INTS1: variants seen among roughly 807,000 people sequenced by gnomAD.
INTS1 encodes the protein integrator complex subunit 1.
In INTS1, 137 loss-of-function variants were observed where a neutral mutation model predicts 241.6. The observed-to-expected ratio is 0.57, with a 90% CI of 0.49 to 0.65. The LOEUF is 0.65. Among genes scored for constraint, INTS1 ranks in the 30% least tolerant of loss-of-function variants. The pLI is 0.00. For synonymous variants in INTS1, 1,692 were observed against 1,337.8 expected, an observed-to-expected ratio of 1.26 and a Z score of -5.78; for missense variants, 3,073 against 3,032.2, an observed-to-expected ratio of 1.01 and a Z score of -0.32.
intron 35 of INTS1, 101 bp downstream of exon 35, chr7:1,477,449 G>A: frequency 7.3e-7 from 1 of 1,366,528 alleles, no homozygotes; most frequent in Non-Finnish European, 9.7e-7. Context: ...GGGGTGCTGG[G>A]GCCCCTGCAA....
rs544786096 is a variant in INTS1 at position 1,488,194 on chromosome 7, G to A, written c.2319-237C>T. ...CTGCCTCGTCCTCCGCAGGCAGCAC[G>A]CCTGCCCTCACCAGAGCCAAGGCCA... On this transcript the variant is annotated intron_variant, in intron 18 of 47. Transcript: ENST00000404767. Among the ~76,000 whole-genome samples the A allele has an allele frequency of 3.3e-5, 5 of 152,300 alleles. No homozygotes were observed. In the South Asian group the frequency reaches 6.2e-4, roughly 19 times the overall value.
At chr7:1,473,295 A>G (rs932923726) in intron 42 of INTS1, 111 bp from the exon 43 acceptor site, 4 of 526,498 alleles carry the variant, frequency 7.6e-6, no homozygotes, top group Non-Finnish European at 1.3e-5. Context: ...CATGCAGGAG[A>G]GGCCAGGACG....
chr7:1,473,737 G>A (rs1781583606), intron 41 of INTS1, 44 bp from the exon 42 acceptor site: 2 of 1,609,344 alleles, frequency 1.2e-6, no homozygotes, highest in Non-Finnish European at 1.7e-6. Flanking sequence ...TGCCCCGCAG[G>A]GCCAAAACAG....
chr7:1,479,688 G>GGGC lies in INTS1; in HGVS notation c.4075-5_4075-4insGCC. 1 of 1,460,934 alleles carries GGGC rather than the reference G, an allele frequency of 6.8e-7. No individual in the cohort carries two copies. Among genetic ancestry groups the GGGC allele is most frequent in the Non-Finnish European group, 9.0e-7 (1 of 1,105,214 alleles). 90.5% of individuals were successfully genotyped at this position (1,460,934 alleles called of 1,614,324 possible). A position where few individuals can be genotyped will look rare whatever the true frequency, so the allele number is the denominator to read the frequency against. On this transcript the variant is annotated splice_polypyrimidine_tract_variant and splice_region_variant and intron_variant, in intron 30 of 47. Coordinates refer to ENST00000404767, the MANE Select transcript of INTS1 (RefSeq NM_001080453.3). ...GGTCCGGGCTGAGCGGGAAAATCTG[G>GGGC]AACGGGGAAGGCCAGTGTCAGGAGG...
chr7:1,498,215 G>A (rs985405632), intron 10 of INTS1, 197 bp downstream of exon 10: 7 of 760,576 alleles, frequency 9.2e-6, no homozygotes, highest in African/African-American at 3.5e-5. Context: ...GAAAGACGCT[G>A]GGCGCTGTGG....
intron 22 of INTS1, 144 bp downstream of exon 22, chr7:1,486,481 T>A (rs868772072): frequency 5.8e-6 from 5 of 867,206 alleles, no homozygotes; most frequent in Non-Finnish European, 8.7e-6. Flanking sequence ...GCCAGGCTGG[T>A]CTCCAACTCC....
At chr7:1,472,245 G>C (rs1213963932) in intron 44 of INTS1, 28 bp downstream of exon 44, 2 of 1,504,212 alleles carry the variant, frequency 1.3e-6, no homozygotes, top group East Asian at 2.5e-5. Flanking sequence ...GCGCTGACCT[G>C]GCGTGGGTGA....
In INTS1 at chr7:1,474,344, C is replaced by G; in HGVS notation, c.5653G>C (p.Ala1885Pro). The part of the protein sequence containing the change: ...LLLLRHLPMI[A>P]ALLHGRTHLN... ...TGGGTGCGGCCGTGCAGGAGCGCCGCGATCATGGGCAGGTGCCTGCGGGCG... is the reference window on the plus strand; with the variant it reads ...TGGGTGCGGCCGTGCAGGAGCGCCGGGATCATGGGCAGGTGCCTGCGGGCG... Residue 1885 changes from alanine (A) to proline (P), a missense_variant, in exon 41 of 48, where the codon GCG becomes CCG. Ala to Pro is a conservative substitution (Grantham distance 27). Coordinates refer to ENST00000404767, the MANE Select transcript of INTS1 (RefSeq NM_001080453.3). The G allele has an allele frequency of 6.3e-7, 1 of 1,598,872 alleles. No individual in the cohort carries two copies. Among genetic ancestry groups the G allele is most frequent in the Non-Finnish European group, 8.5e-7 (1 of 1,174,192 alleles).
rs10247643 is a variant in INTS1, at chr7:1,493,409, A to T, written c.2069-303T>A. ...ACCCGCAAGCCCTCGGGGCAGAGCC[A>T]CGGACGAGGCGCGAGCTGGATTTAC... On this transcript the variant is annotated intron_variant, in intron 15 of 47. Transcript: ENST00000404767. The surrounding 1 kb of genome is among the most constrained non-coding windows in gnomAD (Gnocchi z 5.3). 0.013 allele frequency among the ~76,000 whole-genome samples: 2,004 copies of T among 152,204 alleles called. 51 individuals carry two copies. Among genetic ancestry groups the T allele is most frequent in the African/African-American group, 0.045 (1,858 of 41,502 alleles).
rs553952222 is a variant in INTS1, at chr7:1,487,548, C to G, written c.2517-99G>C. 4.3e-5 allele frequency: 62 copies of G among 1,456,244 alleles called. No individual in the cohort carries two copies. The African/African-American group carries it at 8.4e-4, about 20-fold the overall frequency. 90.2% of individuals were successfully genotyped at this position (1,456,244 alleles called of 1,614,324 possible). ...CCCTGCTTCGAGGGGCAGCCGACAG[C>G]CCGAGACGGGCAACCCATCCTGACC... On this transcript the variant is annotated intron_variant, in intron 19 of 47. Transcript: ENST00000404767.
chr7:1,479,366 C>T, intron 31 of INTS1, 64 bp downstream of exon 31: 2 of 1,506,236 alleles, frequency 1.3e-6, no homozygotes, highest in South Asian at 1.2e-5. Context: ...GACACCCGGG[C>T]CGTCCTGCGG....
In INTS1 at chr7:1,476,870, G is replaced by C. The variant is rs769399847; in HGVS notation, c.4987C>G (p.Leu1663Val). 3.1e-6 allele frequency: 5 copies of C among 1,612,852 alleles called. No homozygotes were observed. The highest frequency in any genetic ancestry group is 2.2e-5 in the South Asian group (2 of 91,052). ...VPSFRPYLLT[L>V]FTHQSSWPTL... ...GGCCAGCTGGACTGATGCGTGAAGA[G>C]GGTCAGGAGGTAGGGACGGAACGAG... The change falls in exon 36 of 48, where the codon CTC (leucine) becomes GTC (valine). Residue 1663 changes from leucine (L) to valine (V), a missense_variant. Physicochemically the swap from Leu to Val is conservative, Grantham distance 32 (BLOSUM62 1). Transcript: ENST00000404767.
chr7:1,479,499 G>A lies in INTS1; in HGVS notation c.4260C>T (p.Ala1420=), dbSNP rs979111983. ...GGCTACGGTGCATGGACATCACCAG[G>A]GCACCGCCGTGTGGGGAGCTGAGCA... is the stretch of plus-strand genomic sequence containing the variant. The part of the protein sequence containing the change: ...ATLLSSPHGG[A]LVMSMHRSHF... Residue 1420 remains alanine, a synonymous_variant, in exon 31 of 48, where the codon GCC becomes GCT. Coordinates refer to ENST00000404767, the MANE Select transcript of INTS1 (RefSeq NM_001080453.3). 2 of 1,573,328 alleles carry A rather than the reference G, an allele frequency of 1.3e-6. No individual in the cohort carries two copies. Among genetic ancestry groups the A allele is most frequent in the Admixed American group, 1.8e-5 (1 of 54,646 alleles).
rs1782808140 is a variant in INTS1, at chr7:1,495,570, G to A, written c.1712-17C>T. 6.2e-7 allele frequency: 1 copy of A among 1,602,564 alleles called. No homozygotes were observed. The highest frequency in any genetic ancestry group is 1.3e-5 in the African/African-American group (1 of 74,694). On this transcript the variant is annotated splice_polypyrimidine_tract_variant and intron_variant, in intron 12 of 47. Coordinates refer to ENST00000404767, the MANE Select transcript of INTS1 (RefSeq NM_001080453.3). ...CTTCCAGGTCTGAAACAGACACGCAGCTTAGTGGCCCATCCGAGCCATGGG... is the reference window on the plus strand; with the variant it reads ...CTTCCAGGTCTGAAACAGACACGCAACTTAGTGGCCCATCCGAGCCATGGG...
intron 16 of INTS1, 34 bp downstream of exon 16, chr7:1,492,976 C>T (rs747216554): frequency 6.4e-7 from 1 of 1,551,368 alleles, no homozygotes; most frequent in South Asian, 1.1e-5. Context: ...GCGGGCTTAC[C>T]CGGGCGGGAG....
At position 1,500,160 on chromosome 7, in the gene INTS1, C is replaced by A. The variant is rs776720575; in HGVS notation, c.546+10G>T. 1.9e-6 allele frequency: 3 copies of A among 1,581,670 alleles called. No homozygotes were observed. The highest frequency in any genetic ancestry group is 2.6e-6 in the Non-Finnish European group (3 of 1,158,014). On this transcript the variant is annotated intron_variant, in intron 4 of 47. Transcript: ENST00000404767. Reference sequence around the variant, plus strand: ...CGCTGCTCGCCTCCTGCCAGGGGCCCGGCTCAAACCTCAATGACGCCCTCA... The same window carrying A: ...CGCTGCTCGCCTCCTGCCAGGGGCCAGGCTCAAACCTCAATGACGCCCTCA...
intron 18 of INTS1, 126 bp from the exon 19 acceptor site, chr7:1,488,083 G>C: frequency 1.0e-6 from 1 of 990,168 alleles, no homozygotes. Flanking sequence ...ACAGCAGTCA[G>C]GAGCACAGGG....
Position 1,498,685 on chromosome 7 carries a change from T to C in INTS1, c.1283+22A>G, listed in dbSNP as rs541142532. The stretch of plus-strand genomic sequence containing the variant: ...ACCCCCACTCCACCCGCACCCCCGC[T>C]CTGCCCCGGCTCGCCACGCACCTGA... On this transcript the variant is annotated intron_variant, in intron 9 of 47. Coordinates refer to ENST00000404767, the MANE Select transcript of INTS1 (RefSeq NM_001080453.3). 9.0e-5 allele frequency: 112 copies of C among 1,248,432 alleles called. No homozygotes were observed. In the African/African-American group the frequency reaches 2.1e-3, roughly 23 times the overall value. The allele number at this position is 1,248,432 out of a possible 1,614,324, so 77.3% of individuals were successfully genotyped here.
Position 1,487,325 on chromosome 7 carries a change from G to A in INTS1, c.2641C>T (p.Arg881Trp), listed in dbSNP as rs376095288. 9 of 1,596,258 alleles carry A rather than the reference G, an allele frequency of 5.6e-6. No homozygotes were observed. Among genetic ancestry groups the A allele is most frequent in the South Asian group, 2.3e-5 (2 of 88,292 alleles). Residue 881 changes from arginine to tryptophan, a missense_variant, in exon 20 of 48, where the codon CGG becomes TGG. Transcript: ENST00000404767. ...NPDFLLHIIQ[R>W]QASSQSMPWL... ...CCTGGAGCCTCGGCACTCACCTGCC[G>A]CTGGATGATGTGGAGGAGAAAGTCA... is the stretch of plus-strand genomic sequence containing the variant.
Sources: allele counts gnomAD v4.1 joint callset (sites outside exome capture counted in the v4.1 genomes callset), GRCh38; gene constraint gnomAD v4.1.1; non-coding constraint Gnocchi (gnomAD v3.1); transcripts MANE v1.5; gene names NCBI Gene and HGNC (gene_info 2026-07-23, HGNC 2026-07-21).